EXT1: variants seen among roughly 807,000 people sequenced by gnomAD.
The protein encoded by EXT1 is exostosin glycosyltransferase 1.
Under a neutral mutation model 82.5 loss-of-function variants are expected in EXT1, and 20 were observed. The ratio of observed to expected loss-of-function variants is 0.24; its 90% CI spans 0.17 to 0.35. EXT1 has a LOEUF of 0.35. EXT1 is among the 10% of genes least tolerant of loss of function. The pLI, the probability that EXT1 is intolerant of heterozygous loss-of-function variation, is 1.00. For synonymous variants in EXT1, 348 were observed against 350.8 expected, an observed-to-expected ratio of 0.99 and a Z score of 0.09; for missense variants, 757 against 936.5, an observed-to-expected ratio of 0.81 and a Z score of 2.50.
intron 7 of EXT1, among the ~76,000 whole-genome samples, chr8:117,816,863 C>T (rs1586995215): frequency 6.6e-6 from 1 of 152,168 alleles, no homozygotes; most frequent in African/African-American, 2.4e-5. Context: ...GAGCTGGTCT[C>T]CTTGACCCAT....
chr8:117,897,259 T>C (rs1202289114), intron 1 of EXT1, among the ~76,000 whole-genome samples: 1 of 152,194 alleles, frequency 6.6e-6, no homozygotes, highest in Non-Finnish European at 1.5e-5. Context: ...GCACAGAGCG[T>C]GCACATTGTC....
At position 117,796,259 on chromosome 8, in the gene EXT1, G is replaced by A. The variant is rs1823086475; in HGVS notation, c.*3453C>T. ...GCTTGGCTTTTGCATCCATAATTCA[G>A]CCTTGTCCAGCAAGAATCTCATTCA... is the stretch of plus-strand genomic sequence containing the variant. On this transcript the variant is annotated 3_prime_UTR_variant, in exon 11 of 11. Coordinates refer to ENST00000378204, the MANE Select transcript of EXT1 (RefSeq NM_000127.3). 1 of 151,916 alleles carries A rather than the reference G, an allele frequency of 6.6e-6. No individual in the cohort carries two copies. The highest frequency in any genetic ancestry group is 2.4e-5 in the African/African-American group (1 of 41,328). The allele number at this position is 151,916 out of a possible 1,614,324, so 9.4% of individuals were successfully genotyped here.
At chr8:117,814,218 C>T (rs1040604342) in intron 7 of EXT1, among the ~76,000 whole-genome samples, 2 of 148,426 alleles carry the variant, frequency 1.3e-5, no homozygotes, top group African/African-American at 5.1e-5. Flanking sequence ...AGGTGGACTA[C>T]GTGTGCACAC....
intron 1 of EXT1, among the ~76,000 whole-genome samples, chr8:117,917,200 G>A (rs1037853442): frequency 1.3e-5 from 2 of 152,130 alleles, no homozygotes; most frequent in Admixed American, 1.3e-4. Context: ...CTGGCTGGGC[G>A]CTGTGGCTCA....
rs111396487 is a variant in EXT1 at position 118,013,220 on chromosome 8, C to T, written c.962+96865G>A. 1.2e-3 allele frequency among the ~76,000 whole-genome samples: 185 copies of T among 151,842 alleles called. 1 individual carries two copies. The highest frequency in any genetic ancestry group is 4.4e-3 in the African/African-American group (184 of 41,412). The stretch of plus-strand genomic sequence containing the variant: ...GGCTACTTTGTTGTTGTTGTTGTTG[C>T]TGTTGTTGAGACAGAGTCTCACTCT... On this transcript the variant is annotated intron_variant, in intron 1 of 10. Coordinates refer to ENST00000378204, the MANE Select transcript of EXT1 (RefSeq NM_000127.3).
chr8:117,969,864 A>C (rs1357651227), intron 1 of EXT1, among the ~76,000 whole-genome samples: 1 of 152,242 alleles, frequency 6.6e-6, no homozygotes, highest in Non-Finnish European at 1.5e-5. Context: ...CCCAGGACTC[A>C]TCTTTTATAT....
rs550011691 is a variant in EXT1 at position 117,879,696 on chromosome 8, C to T, written c.963-42495G>A. On this transcript the variant is annotated intron_variant, in intron 1 of 10. Transcript: ENST00000378204. ...AAGAGTGACCAAGCAACTACAAGAA[C>T]ATGCACAATCTAGAGTTAAGGAGTA... 2.7e-4 allele frequency among the ~76,000 whole-genome samples: 41 copies of T among 152,292 alleles called. 1 individual carries two copies. The highest frequency in any genetic ancestry group is 9.6e-4 in the African/African-American group (40 of 41,572).
intron 1 of EXT1, among the ~76,000 whole-genome samples, chr8:118,011,943 G>A (rs143211565): frequency 1.8e-3 from 277 of 152,304 alleles, no homozygotes; most frequent in African/African-American, 6.1e-3. Flanking sequence ...GAGCGCGAGA[G>A]AACATGGGAA....
At chr8:117,848,764 G>A (rs7835395) in intron 1 of EXT1, among the ~76,000 whole-genome samples, 14,315 of 152,022 alleles carry the variant, frequency 0.094, 933 homozygotes, top group African/African-American at 0.19. Context: ...CAGCTCAAGC[G>A]TGCATGAACA....
intron 1 of EXT1, among the ~76,000 whole-genome samples, chr8:118,032,027 C>T (rs1186607715): frequency 1.3e-5 from 2 of 151,530 alleles, no homozygotes; most frequent in African/African-American, 4.8e-5. Flanking sequence ...AAGTGCCACA[C>T]CCTTGCAGTG....
intron 1 of EXT1, among the ~76,000 whole-genome samples, chr8:118,073,705 A>AAGAGAAGCGAAGCGAAGAGAAGAGG (rs1432260667): frequency 9.7e-6 from 1 of 102,784 alleles, no homozygotes; most frequent in African/African-American, 3.3e-5. Context: ...AAGAGAAGAG[A>AAGAGAAGCGAAGCGAAGAGAAGAGG]AGCCTCTTAA....
At chr8:117,891,821 T>A (rs1813248621) in intron 1 of EXT1, among the ~76,000 whole-genome samples, 1 of 150,036 alleles carries the variant, frequency 6.7e-6, no homozygotes, top group Non-Finnish European at 1.5e-5. Flanking sequence ...TTTTTTTTTT[T>A]TTTGAGACGG....
At position 118,052,518 on chromosome 8, in the gene EXT1, CT is replaced by C. The variant is rs1816734396; in HGVS notation, c.962+57566del. ...TGAACTGCTGGAAGGATTTTACATA[CT>C]TGTAAGACAACTGGGCTAATGTGGG... On this transcript the variant is annotated intron_variant, in intron 1 of 10. Coordinates refer to ENST00000378204, the MANE Select transcript of EXT1 (RefSeq NM_000127.3). Among the ~76,000 whole-genome samples the C allele has an allele frequency of 2.0e-5, 3 of 152,156 alleles. No homozygotes were observed. In the South Asian group the frequency reaches 6.2e-4, roughly 32 times the overall value.
At chr8:117,937,344 G>A (rs1215598141) in intron 1 of EXT1, among the ~76,000 whole-genome samples, 1 of 152,078 alleles carries the variant, frequency 6.6e-6, no homozygotes, top group Non-Finnish European at 1.5e-5. Flanking sequence ...ATATAATCGA[G>A]GACACAATCC....
chr8:117,876,825 G>A (rs1003795515), intron 1 of EXT1, among the ~76,000 whole-genome samples: 1 of 152,148 alleles, frequency 6.6e-6, no homozygotes, highest in African/African-American at 2.4e-5. Context: ...ACGGAAGCGC[G>A]TATTAAGTCG....
At chr8:117,989,325 G>A (rs777979489) in intron 1 of EXT1, among the ~76,000 whole-genome samples, 17 of 151,592 alleles carry the variant, frequency 1.1e-4, no homozygotes, top group East Asian at 1.9e-4. Context: ...AAAAGCCAGC[G>A]AAGGGGTCTC....
intron 1 of EXT1, among the ~76,000 whole-genome samples, chr8:118,056,406 G>C (rs1816794697): frequency 1.3e-5 from 2 of 152,196 alleles, no homozygotes; most frequent in Admixed American, 1.3e-4. Flanking sequence ...TCATTCATCA[G>C]AGAGAAGGAA....
chr8:118,043,845 T>C (rs1816576745), intron 1 of EXT1, among the ~76,000 whole-genome samples: 1 of 152,102 alleles, frequency 6.6e-6, no homozygotes, highest in Non-Finnish European at 1.5e-5. Context: ...AAAAAACAGG[T>C]AAAAGTCCAA....
At chr8:117,840,906 C>T (rs1812265093) in intron 1 of EXT1, among the ~76,000 whole-genome samples, 1 of 152,132 alleles carries the variant, frequency 6.6e-6, no homozygotes, top group Non-Finnish European at 1.5e-5. Flanking sequence ...AGCAAAATGA[C>T]AGATGAGAGC....
Sources: gnomAD v4.1 joint callset for allele counts (sites outside exome capture counted in the v4.1 genomes callset) on GRCh38, gnomAD v4.1.1 for gene constraint, MANE v1.5 for transcripts, NCBI Gene and HGNC (gene_info 2026-07-23, HGNC 2026-07-21) for gene names.